MCC: variants seen among roughly 807,000 people sequenced by gnomAD.
MCC encodes colorectal mutant cancer protein.
A neutral mutation model predicts 116.2 loss-of-function variants in MCC; 90 were observed. That is an observed-to-expected ratio of 0.77 (90% CI 0.65 to 0.92). MCC has a LOEUF of 0.92. Ranked by LOEUF, MCC falls within the 40% of genes least tolerant of loss-of-function variation. MCC has a pLI of 0.00. For missense variants in MCC, 1,516 were observed against 1,312.2 expected, an observed-to-expected ratio of 1.16 and a Z score of -2.40; for synonymous variants, 578 against 510.5, an observed-to-expected ratio of 1.13 and a Z score of -1.78.
intron 1 of MCC, among the ~76,000 whole-genome samples, chr5:113,400,455 A>G (rs551591459): frequency 2.0e-5 from 3 of 152,060 alleles, no homozygotes; most frequent in African/African-American, 7.2e-5. Context: ...GATGTTTCCT[A>G]TTGACACTGT....
chr5:113,195,143 C>A (rs1263772429), intron 3 of MCC, among the ~76,000 whole-genome samples: 1 of 152,172 alleles, frequency 6.6e-6, no homozygotes, highest in Admixed American at 6.5e-5. Context: ...GCTCCAAGAC[C>A]ACACACAGAT....
At chr5:113,431,245 G>C (rs1426084610) in intron 1 of MCC, among the ~76,000 whole-genome samples, 1 of 152,192 alleles carries the variant, frequency 6.6e-6, no homozygotes, top group East Asian at 1.9e-4. Flanking sequence ...CATATGGTAG[G>C]TGTATTAGTT....
chr5:113,139,030 A>G (rs1179327852), intron 5 of MCC, among the ~76,000 whole-genome samples: 1 of 152,178 alleles, frequency 6.6e-6, no homozygotes, highest in African/African-American at 2.4e-5. Context: ...GTAAAACTTT[A>G]GTAGGCTGCC....
At chr5:113,433,796 C>CG in intron 1 of MCC, 1 of 1,613,922 alleles carries the variant, frequency 6.2e-7, no homozygotes, top group Non-Finnish European at 8.5e-7. Flanking sequence ...CCATAGTCGA[C>CG]GGCTTGCTGG....
chr5:113,220,057 C>CTTTTTTTTTTTTTTTTTTTTTTTTTTTTT lies in MCC; in HGVS notation c.628-68636_628-68635insAAAAAAAAAAAAAAAAAAAAAAAAAAAAA, dbSNP rs1229213218. Reference sequence around the variant, plus strand: ...AACTTTGGAATCTGCATGTCAATTTCTTTTTCTTTTTTTTTTTTGAGACGG... The same window carrying CTTTTTTTTTTTTTTTTTTTTTTTTTTTTT: ...AACTTTGGAATCTGCATGTCAATTTCTTTTTTTTTTTTTTTTTTTTTTTTTTTTTTTTTTCTTTTTTTTTTTTGAGACGG... On this transcript the variant is annotated intron_variant, in intron 3 of 18. Transcript: ENST00000408903. Among the ~76,000 whole-genome samples, 17 of 79,496 alleles carry CTTTTTTTTTTTTTTTTTTTTTTTTTTTTT rather than the reference C, an allele frequency of 2.1e-4. 8 individuals are homozygous for CTTTTTTTTTTTTTTTTTTTTTTTTTTTTT. Among genetic ancestry groups the CTTTTTTTTTTTTTTTTTTTTTTTTTTTTT allele is most frequent in the Non-Finnish European group, 1.7e-4 (5 of 28,694 alleles). The allele number at this position is 79,496 out of a possible 152,430, so 52.2% of individuals were successfully genotyped here.
At chr5:113,141,333 A>G (rs1006491155) in intron 5 of MCC, among the ~76,000 whole-genome samples, 2 of 152,196 alleles carry the variant, frequency 1.3e-5, no homozygotes, top group East Asian at 3.8e-4. Flanking sequence ...TCATGCTGCC[A>G]GCATCCCAGG....
intron 3 of MCC, among the ~76,000 whole-genome samples, chr5:113,229,006 A>G (rs1763847775): frequency 1.3e-5 from 2 of 152,200 alleles, no homozygotes; most frequent in Non-Finnish European, 2.9e-5. Context: ...AATACCTATT[A>G]AACACTGAAG....
In MCC at chr5:113,443,620, T is replaced by C. The variant is rs141726243; in HGVS notation, c.170+44625A>G. 3.7e-3 allele frequency among the ~76,000 whole-genome samples: 560 copies of C among 152,304 alleles called. 1 individual carries two copies. The highest frequency in any genetic ancestry group is 0.012 in the African/African-American group (517 of 41,574). On this transcript the variant is annotated intron_variant, in intron 1 of 18. Transcript: ENST00000408903. ...CAGTTTTTGCCCATTCAGTATAATA[T>C]TGGCTGTGGGTTTGTCATAAATAGC...
intron 3 of MCC, among the ~76,000 whole-genome samples, chr5:113,292,227 G>C (rs972303667): frequency 1.1e-4 from 17 of 151,972 alleles, no homozygotes; most frequent in South Asian, 8.3e-4. Flanking sequence ...GTGAGACTCT[G>C]TCTCCAAAAA....
At chr5:113,465,938 C>A (rs1467091157) in intron 1 of MCC, among the ~76,000 whole-genome samples, 1 of 151,768 alleles carries the variant, frequency 6.6e-6, no homozygotes, top group Non-Finnish European at 1.5e-5. Context: ...TACATTAACC[C>A]ACATTTTTTT....
chr5:113,450,088 C>T (rs1771345930), intron 1 of MCC, among the ~76,000 whole-genome samples: 1 of 152,136 alleles, frequency 6.6e-6, no homozygotes, highest in Non-Finnish European at 1.5e-5. Context: ...AGTTTACGGA[C>T]ATTGGAAGGG....
At chr5:113,061,917 A>T (rs1753251540) in intron 14 of MCC, among the ~76,000 whole-genome samples, 1 of 152,222 alleles carries the variant, frequency 6.6e-6, no homozygotes, top group Non-Finnish European at 1.5e-5. Context: ...TACAAACAAA[A>T]TTACTATAAT....
At position 113,379,866 on chromosome 5, in the gene MCC, ATTC is replaced by A. The variant is rs377737700; in HGVS notation, c.415+5099_415+5101del. ...TAAGTGTGGAAAATGCTTATATTTT[ATTC>A]TTCTTCTGGAGACTTTCAAGAAACA... On this transcript the variant is annotated intron_variant, in intron 2 of 18. Transcript: ENST00000408903. Among the ~76,000 whole-genome samples the A allele has an allele frequency of 1.2e-3, 176 of 152,308 alleles. 4 individuals carry two copies. In the South Asian group the frequency reaches 0.036, roughly 31 times the overall value.
intron 1 of MCC, among the ~76,000 whole-genome samples, chr5:113,398,118 T>C (rs946490511): frequency 1.3e-5 from 2 of 152,092 alleles, no homozygotes; most frequent in African/African-American, 4.8e-5. Context: ...GAAATGCAAA[T>C]CAAAACCACA....
At chr5:113,136,178 C>T (rs1263000014) in intron 5 of MCC, among the ~76,000 whole-genome samples, 2 of 152,186 alleles carry the variant, frequency 1.3e-5, no homozygotes, top group East Asian at 3.8e-4. Flanking sequence ...TGGTTACAGG[C>T]TACAGTTGAT....
chr5:113,026,382 G>A lies in MCC; in HGVS notation c.*920C>T, dbSNP rs1261464236. ...CCAGAGCTACAAATGCACCCATGTG[G>A]AAGAGATTTGATTCAGCAGAACAGC... On this transcript the variant is annotated 3_prime_UTR_variant, in exon 19 of 19. Coordinates refer to ENST00000408903, the MANE Select transcript of MCC (RefSeq NM_001085377.2). The A allele has an allele frequency of 6.6e-6, 1 of 152,238 alleles. No individual in the cohort carries two copies. Among genetic ancestry groups the A allele is most frequent in the African/African-American group, 2.4e-5 (1 of 41,458 alleles). 9.4% of individuals were successfully genotyped at this position (152,238 alleles called of 1,614,324 possible). A position where few individuals can be genotyped will look rare whatever the true frequency, so the allele number is the denominator to read the frequency against.
At chr5:113,077,913 G>A (rs987179095) in intron 11 of MCC, among the ~76,000 whole-genome samples, 26 of 128,564 alleles carry the variant, frequency 2.0e-4, no homozygotes, top group Non-Finnish European at 3.8e-4. Flanking sequence ...CCGCTAGCAA[G>A]ACTAATAAAG....
At chr5:113,177,691 C>T (rs1475737512) in intron 3 of MCC, among the ~76,000 whole-genome samples, 2 of 152,170 alleles carry the variant, frequency 1.3e-5, no homozygotes, top group Non-Finnish European at 2.9e-5. Context: ...ATGATCCTTT[C>T]CATTTTTTAA....
intron 3 of MCC, among the ~76,000 whole-genome samples, chr5:113,237,495 G>A (rs1159464608): frequency 2.6e-5 from 4 of 152,140 alleles, no homozygotes; most frequent in Non-Finnish European, 5.9e-5. Context: ...GGCAAGCCAG[G>A]AGAATTGGTG....
Sources: gnomAD v4.1 joint callset for allele counts (sites outside exome capture counted in the v4.1 genomes callset) on GRCh38, gnomAD v4.1.1 for gene constraint, MANE v1.5 for transcripts, NCBI Gene and HGNC (gene_info 2026-07-23, HGNC 2026-07-21) for gene names.